The following GSDMC variants were observed in gnomAD, a reference collection of about 807,000 sequenced individuals.
GSDMC encodes the protein gasdermin C, also known as gasdermin-C.
Under a neutral mutation model 58.0 loss-of-function variants are expected in GSDMC, and 59 were observed. The observed-to-expected ratio is 1.02, with a 90% CI of 0.82 to 1.26. The LOEUF (loss-of-function observed/expected upper bound fraction) is 1.26. GSDMC is among the 50% of genes most tolerant of loss of function. The probability of loss-of-function intolerance (pLI) is 0.00; values close to 1 mark genes in which losing one functional copy is unlikely to be tolerated. For missense variants in GSDMC, 659 were observed against 598.5 expected, an observed-to-expected ratio of 1.10 and a Z score of -1.06; for synonymous variants, 241 against 220.2, an observed-to-expected ratio of 1.09 and a Z score of -0.83.
intron 1 of GSDMC, among the ~76,000 whole-genome samples, chr8:129,777,946 G>C (rs1032396859): frequency 3.3e-5 from 5 of 152,176 alleles, no homozygotes; most frequent in Admixed American, 3.3e-4. Flanking sequence ...AAAATTCATT[G>C]CCCCTTATTG....
chr8:129,736,768 T>C, the GSDMC span, among the ~76,000 whole-genome samples: 2 of 152,076 alleles, frequency 1.3e-5, no homozygotes, highest in East Asian at 1.9e-4. Flanking sequence ...CTATTCAACA[T>C]AGTGTTGGAA....
chr8:129,750,014 G>T lies in GSDMC; in HGVS notation c.1189C>A (p.Leu397Ile). The change falls in exon 12 of 14, where the codon CTT becomes ATT. Residue 397 changes from leucine (L) to isoleucine (I), a missense_variant. Transcript: ENST00000276708. ...CCCATTATGGCTTCAAGGAGATAAA[G>T]AATGGGGTCCTTTGGGTTAAACCAT... ...HAWFNPKDPI[L>I]YLLEAIMVLS... 3 of 1,609,352 alleles carry T rather than the reference G, an allele frequency of 1.9e-6. No homozygotes were observed. The highest frequency in any genetic ancestry group is 2.5e-6 in the Non-Finnish European group (3 of 1,178,396).
chr8:129,766,221 G>C (rs145962977), intron 3 of GSDMC, among the ~76,000 whole-genome samples: 1 of 152,176 alleles, frequency 6.6e-6, no homozygotes, highest in Non-Finnish European at 1.5e-5. Context: ...GTGGGCTGGG[G>C]AGCAGACAGA....
At chr8:129,724,436 G>A in the GSDMC span, among the ~76,000 whole-genome samples, 1 of 152,076 alleles carries the variant, frequency 6.6e-6, no homozygotes, top group African/African-American at 2.4e-5. Context: ...TAACACAATA[G>A]ATAATACAAT....
At chr8:129,759,856 G>T (rs547371334) in intron 6 of GSDMC, among the ~76,000 whole-genome samples, 31 of 152,272 alleles carry the variant, frequency 2.0e-4, no homozygotes, top group African/African-American at 5.5e-4. Flanking sequence ...CAATCTCACT[G>T]CTGGGTATAT....
chr8:129,715,050 A>G, the GSDMC span, among the ~76,000 whole-genome samples: 3 of 152,202 alleles, frequency 2.0e-5, no homozygotes, highest in East Asian at 3.8e-4. Context: ...AAGTGATAAC[A>G]TATTAACTCT....
the GSDMC span, chr8:129,729,908 T>G: frequency 1.5e-6 from 2 of 1,307,122 alleles, no homozygotes; most frequent in Non-Finnish European, 2.2e-6. Flanking sequence ...ATCTGGTGAC[T>G]AATCCAAAAG....
chr8:129,754,693 A>C (rs1258796927), intron 6 of GSDMC, among the ~76,000 whole-genome samples: 3 of 152,212 alleles, frequency 2.0e-5, no homozygotes, highest in African/African-American at 7.2e-5. Context: ...ATTTTGAAGA[A>C]ACTCAAAGGA....
chr8:129,728,712 G>A, the GSDMC span: 3 of 413,450 alleles, frequency 7.3e-6, no homozygotes, highest in Non-Finnish European at 1.4e-5. Context: ...TTACCTATAA[G>A]CACCATCTAC....
chr8:129,772,319 A>G (rs1396139266), intron 3 of GSDMC, among the ~76,000 whole-genome samples: 1 of 151,906 alleles, frequency 6.6e-6, no homozygotes, highest in Non-Finnish European at 1.5e-5. Flanking sequence ...TAGAAAAACA[A>G]TAGAAAAGAA....
the GSDMC span, among the ~76,000 whole-genome samples, chr8:129,712,380 A>G: frequency 6.6e-6 from 1 of 152,244 alleles, no homozygotes; most frequent in Non-Finnish European, 1.5e-5. Flanking sequence ...GGGCCAAGCT[A>G]CAATTCCCAG....
chr8:129,709,493 AGAT>A, the GSDMC span, among the ~76,000 whole-genome samples: 1 of 117,756 alleles, frequency 8.5e-6, no homozygotes, highest in African/African-American at 5.8e-5. Context: ...GATAATAGAT[AGAT>A]GATAGATAGA....
At chr8:129,752,055 G>GT (rs1449870520) in intron 8 of GSDMC, 51 bp downstream of exon 8, 3 of 1,563,832 alleles carry the variant, frequency 1.9e-6, no homozygotes, top group African/African-American at 2.7e-5. Flanking sequence ...CAATCAGGTG[G>GT]TTTTTTGTTG....
At chr8:129,716,527 TG>T in the GSDMC span, among the ~76,000 whole-genome samples, 5 of 152,174 alleles carry the variant, frequency 3.3e-5, no homozygotes, top group Non-Finnish European at 7.3e-5. Flanking sequence ...GCTGAGACAA[TG>T]GGGTTTTCTA....
chr8:129,709,980 A>C, the GSDMC span, among the ~76,000 whole-genome samples: 2 of 152,226 alleles, frequency 1.3e-5, no homozygotes, highest in African/African-American at 4.8e-5. Context: ...GGTAGAAACT[A>C]TGTCTTTGTT....
intron 4 of GSDMC, among the ~76,000 whole-genome samples, chr8:129,764,596 GGGTGAGGGTA>G (rs1167367736): frequency 2.0e-5 from 3 of 152,172 alleles, no homozygotes; most frequent in Non-Finnish European, 2.9e-5. Flanking sequence ...CTGCCAGAGT[GGGTGAGGGTA>G]GGTGCCTGGC....
chr8:129,707,224 G>A, the GSDMC span: 2 of 152,006 alleles, frequency 1.3e-5, no homozygotes, highest in Admixed American at 6.6e-5. Flanking sequence ...AAGTAATGTG[G>A]CTGGTGCTGA....
intron 2 of GSDMC, among the ~76,000 whole-genome samples, chr8:129,776,555 C>T (rs1441470755): frequency 1.3e-5 from 2 of 152,004 alleles, no homozygotes; most frequent in African/African-American, 4.8e-5. Flanking sequence ...GTACAGTGTC[C>T]AGAAGACCCC....
chr8:129,752,149 T>C lies in GSDMC; in HGVS notation c.845-2A>G, dbSNP rs961360595. The C allele has an allele frequency of 1.9e-6, 3 of 1,611,898 alleles. No homozygotes were observed. Among genetic ancestry groups the C allele is most frequent in the African/African-American group, 2.7e-5 (2 of 74,902 alleles). On this transcript the variant is annotated splice_acceptor_variant, in intron 7 of 13. Coordinates refer to ENST00000276708, the MANE Select transcript of GSDMC (RefSeq NM_031415.3). LOFTEE classifies it high-confidence loss of function. The stretch of plus-strand genomic sequence containing the variant: ...AAAATTGCTGTGTCAGAAATAGCTC[T>C]GGAAAGAGAAAGAAAAGTGTTTACT...
Sources: gnomAD v4.1 joint callset for allele counts (sites outside exome capture counted in the v4.1 genomes callset) on GRCh38, gnomAD v4.1.1 for gene constraint, MANE v1.5 for transcripts, NCBI Gene and HGNC (gene_info 2026-07-23, HGNC 2026-07-21) for gene names.